The following NUP98 variants were observed in gnomAD, a reference collection of about 807,000 sequenced individuals.
The protein encoded by NUP98 is nucleoporin 98 and 96 precursor.
NUP98 carries 26 observed loss-of-function variants against 191.9 expected under a neutral mutation model. The ratio of observed to expected loss-of-function variants is 0.14; its 90% CI spans 0.10 to 0.19. The LOEUF (loss-of-function observed/expected upper bound fraction) is 0.19, where lower values mean the gene tolerates loss of function less well. Ranked by LOEUF, NUP98 falls within the 10% of genes least tolerant of loss-of-function variation. NUP98 has a pLI of 1.00. For synonymous variants in NUP98, 808 were observed against 778.4 expected, an observed-to-expected ratio of 1.04 and a Z score of -0.63; for missense variants, 1,941 against 2,178.8, an observed-to-expected ratio of 0.89 and a Z score of 2.17.
chr11:3,782,174 T>C, intron 1 of NUP98, 29 bp from the exon 2 acceptor site: 2 of 1,196,432 alleles, frequency 1.7e-6, no homozygotes, highest in Non-Finnish European at 2.4e-6. Flanking sequence ...TATCACTCTC[T>C]TAAAGACCAC....
chr11:3,783,654 G>C (rs1020651932), intron 1 of NUP98, among the ~76,000 whole-genome samples: 4 of 152,122 alleles, frequency 2.6e-5, no homozygotes, highest in African/African-American at 7.2e-5. Context: ...AGCTGAGATC[G>C]CACCATTGTA....
At chr11:3,776,081 G>A in intron 4 of NUP98, 60 bp from the exon 5 acceptor site, 1 of 1,307,312 alleles carries the variant, frequency 7.6e-7, no homozygotes, top group Non-Finnish European at 1.1e-6. Flanking sequence ...TGTATAAGAT[G>A]CATTGGAATT....
At chr11:3,701,278 G>A (rs1482401095) in intron 23 of NUP98, among the ~76,000 whole-genome samples, 1 of 64,512 alleles carries the variant, frequency 1.6e-5, no homozygotes, top group Non-Finnish European at 3.1e-5. Context: ...TTTTTTTTTT[G>A]AGATGGAGTT....
intron 10 of NUP98, among the ~76,000 whole-genome samples, chr11:3,754,203 CG>C (rs1205789630): frequency 6.6e-6 from 1 of 152,002 alleles, no homozygotes; most frequent in Non-Finnish European, 1.5e-5. Context: ...CCAAGGTGGG[CG>C]GATCATGAGG....
intron 18 of NUP98, 58 bp from the exon 19 acceptor site, chr11:3,714,053 A>G (rs2079100658): frequency 6.6e-7 from 1 of 1,510,182 alleles, no homozygotes; most frequent in South Asian, 1.2e-5. Context: ...CATATATAAG[A>G]CCAGAAAGCC....
chr11:3,688,108 TA>T (rs2078184513), intron 28 of NUP98, among the ~76,000 whole-genome samples: 1 of 146,374 alleles, frequency 6.8e-6, no homozygotes, highest in South Asian at 2.2e-4. Flanking sequence ...TTAAAATGGT[TA>T]AAACAGTAAA....
intron 1 of NUP98, among the ~76,000 whole-genome samples, chr11:3,791,954 C>T (rs751131789): frequency 9.9e-5 from 15 of 151,024 alleles, no homozygotes; most frequent in Non-Finnish European, 1.5e-4. Flanking sequence ...CGGAGGTGAG[C>T]GGATCACGAG....
chr11:3,766,926 C>G (rs1390547170), intron 8 of NUP98, among the ~76,000 whole-genome samples: 1 of 152,144 alleles, frequency 6.6e-6, no homozygotes, highest in Non-Finnish European at 1.5e-5. Flanking sequence ...CAACCTTCCT[C>G]GGATAAATCC....
At chr11:3,722,105 CTT>C (rs923606079) in intron 16 of NUP98, among the ~76,000 whole-genome samples, 83 of 108,256 alleles carry the variant, frequency 7.7e-4, no homozygotes, top group African/African-American at 2.0e-3. Context: ...ACCTGGAATT[CTT>C]TTTTTTTTTT....
intron 20 of NUP98, chr11:3,712,248 C>A (rs2079041307): frequency 8.9e-7 from 1 of 1,126,214 alleles, no homozygotes; most frequent in Non-Finnish European, 1.1e-6. Context: ...TGTGCATGAA[C>A]CCACATGAGC....
chr11:3,791,857 AAAT>A (rs771316583), intron 1 of NUP98, among the ~76,000 whole-genome samples: 26 of 150,350 alleles, frequency 1.7e-4, no homozygotes, highest in Admixed American at 3.3e-4. Flanking sequence ...AAAAAAAAAA[AAAT>A]TTTGATACAA....
intron 9 of NUP98, among the ~76,000 whole-genome samples, chr11:3,762,613 A>G (rs1291279562): frequency 6.6e-6 from 1 of 152,200 alleles, no homozygotes; most frequent in Admixed American, 6.5e-5. Flanking sequence ...AAAGAATTTC[A>G]ATTTAGACTC....
intron 1 of NUP98, among the ~76,000 whole-genome samples, chr11:3,788,401 G>A (rs184491337): frequency 1.1e-3 from 164 of 151,948 alleles, no homozygotes; most frequent in Admixed American, 3.1e-3. Flanking sequence ...TCAGGAGTTC[G>A]AGCCCAGCCT....
chr11:3,745,291 C>T (rs2080448896), intron 11 of NUP98, among the ~76,000 whole-genome samples: 1 of 152,196 alleles, frequency 6.6e-6, no homozygotes, highest in Admixed American at 6.5e-5. Flanking sequence ...TAACACAACA[C>T]TTTCAATTAT....
intron 25 of NUP98, among the ~76,000 whole-genome samples, chr11:3,695,862 C>T (rs191879449): frequency 3.0e-4 from 45 of 152,246 alleles, no homozygotes; most frequent in Non-Finnish European, 4.4e-5. Context: ...TCTACCACTA[C>T]TTCTGTGATA....
rs909397934 is a variant in NUP98 at position 3,700,970 on chromosome 11, A to G, written c.3513-131T>C. 3 of 689,252 alleles carry G rather than the reference A, an allele frequency of 4.4e-6. No homozygotes were observed. In the African/African-American group the frequency reaches 5.4e-5, roughly 12 times the overall value. 42.7% of individuals were successfully genotyped at this position (689,252 alleles called of 1,614,324 possible). Reference sequence around the variant, plus strand: ...CAAACATTTCACTGTAGTTTTAAAGAAATTTTGTTTCTTAAACTATACTGA... The same window carrying G: ...CAAACATTTCACTGTAGTTTTAAAGGAATTTTGTTTCTTAAACTATACTGA... On this transcript the variant is annotated intron_variant, in intron 23 of 32. Coordinates refer to ENST00000324932, the MANE Select transcript of NUP98 (RefSeq NM_016320.5).
intron 10 of NUP98, among the ~76,000 whole-genome samples, chr11:3,757,814 G>T (rs1589894344): frequency 6.6e-6 from 1 of 151,714 alleles, no homozygotes; most frequent in Admixed American, 6.6e-5. Context: ...AGAAAGAAAA[G>T]AAATAATATT....
At position 3,780,936 on chromosome 11, in the gene NUP98, C is replaced by T. The variant is rs371624775; in HGVS notation, c.76+1106G>A. The stretch of plus-strand genomic sequence containing the variant: ...CCCTATTAAAAATATAAAAATTAGC[C>T]GGGCATGGTGCCATACACCTGTCAT... On this transcript the variant is annotated intron_variant, in intron 2 of 32. Transcript: ENST00000324932. Among the ~76,000 whole-genome samples the T allele has an allele frequency of 2.2e-4, 34 of 151,968 alleles. No individual in the cohort carries two copies. The East Asian group carries it at 2.9e-3, about 13-fold the overall frequency.
intron 1 of NUP98, among the ~76,000 whole-genome samples, chr11:3,790,959 A>G (rs1404794190): frequency 3.3e-5 from 5 of 150,734 alleles, no homozygotes; most frequent in Non-Finnish European, 7.4e-5. Context: ...GAAGTGACGC[A>G]ATCTCGGCTG....
Sources: allele counts gnomAD v4.1 joint callset (sites outside exome capture counted in the v4.1 genomes callset), GRCh38; gene constraint gnomAD v4.1.1; transcripts MANE v1.5; gene names NCBI Gene and HGNC (gene_info 2026-07-23, HGNC 2026-07-21).